Variants in PPP6R3 observed in about 807,000 individuals in gnomAD.
The protein encoded by PPP6R3 is protein phosphatase 6 regulatory subunit 3.
In PPP6R3, 38 loss-of-function variants were observed where a neutral mutation model predicts 110.7. That is an observed-to-expected ratio of 0.34 (90% CI 0.26 to 0.45). PPP6R3 has a LOEUF of 0.45. Ranked by LOEUF, PPP6R3 falls within the 20% of genes least tolerant of loss-of-function variation. The pLI is 1.00. For missense variants in PPP6R3, 870 were observed against 1,062.4 expected, an observed-to-expected ratio of 0.82 and a Z score of 2.52; for synonymous variants, 369 against 373.5, an observed-to-expected ratio of 0.99 and a Z score of 0.14.
At chr11:68,581,131 GA>G (rs1003657636) in intron 14 of PPP6R3, among the ~76,000 whole-genome samples, 4 of 152,168 alleles carry the variant, frequency 2.6e-5, no homozygotes, top group Non-Finnish European at 4.4e-5. Context: ...GGTGTAGGTA[GA>G]ATCAGACTCA....
intron 22 of PPP6R3, chr11:68,609,390 G>A (rs1475177435): frequency 1.4e-6 from 1 of 696,322 alleles, no homozygotes; most frequent in Non-Finnish European, 2.6e-6. Flanking sequence ...CCAGCAAGCT[G>A]ATGGGGTCTG....
chr11:68,592,411 G>A (rs2099598307), intron 18 of PPP6R3, among the ~76,000 whole-genome samples: 1 of 152,198 alleles, frequency 6.6e-6, no homozygotes, highest in Non-Finnish European at 1.5e-5. Flanking sequence ...GGGAATCAAA[G>A]AGTATGCAAT....
intron 1 of PPP6R3, among the ~76,000 whole-genome samples, chr11:68,463,186 A>C (rs1386142708): frequency 2.0e-5 from 3 of 151,956 alleles, no homozygotes; most frequent in African/African-American, 7.2e-5. Flanking sequence ...CCAGGCCAAC[A>C]TGTGAAACCT....
intron 1 of PPP6R3, among the ~76,000 whole-genome samples, chr11:68,475,521 G>C (rs533396082): frequency 3.3e-5 from 5 of 151,616 alleles, no homozygotes; most frequent in Non-Finnish European, 5.9e-5. Context: ...CTCCCGGACG[G>C]GGCAGCGGCC....
chr11:68,597,833 A>AAG (rs2099618779), intron 19 of PPP6R3, among the ~76,000 whole-genome samples: 1 of 151,234 alleles, frequency 6.6e-6, no homozygotes, highest in Non-Finnish European at 1.5e-5. Flanking sequence ...AAAAAAAAAA[A>AAG]GCTGGGCATG....
chr11:68,595,158 G>C (rs2099609656), intron 18 of PPP6R3, among the ~76,000 whole-genome samples: 1 of 143,438 alleles, frequency 7.0e-6, no homozygotes, highest in African/African-American at 2.5e-5. Context: ...GTTAGACAAA[G>C]ATTTCTTAGA....
chr11:68,547,310 C>T lies in PPP6R3; in HGVS notation c.415-757C>T, dbSNP rs140198760. On this transcript the variant is annotated intron_variant, in intron 4 of 23. Coordinates refer to ENST00000393800, the MANE Select transcript of PPP6R3 (RefSeq NM_001164161.2). ...AGATCCTGTTATATAGCAGCTGCGACACTCCCCCTGGGACTCGCAGAGGGT... is the reference window on the plus strand; with the variant it reads ...AGATCCTGTTATATAGCAGCTGCGATACTCCCCCTGGGACTCGCAGAGGGT... 3.4e-3 allele frequency among the ~76,000 whole-genome samples: 514 copies of T among 152,246 alleles called. 6 individuals carry two copies. Among genetic ancestry groups the T allele is most frequent in the African/African-American group, 0.012 (491 of 41,508 alleles).
intron 1 of PPP6R3, among the ~76,000 whole-genome samples, chr11:68,493,854 G>A (rs1170953394): frequency 6.6e-6 from 1 of 151,470 alleles, no homozygotes; most frequent in Non-Finnish European, 1.5e-5. Context: ...TGTAATCTCA[G>A]CACTTTGGGA....
intron 12 of PPP6R3, chr11:68,571,305 G>T: frequency 1.4e-6 from 1 of 736,746 alleles, no homozygotes; most frequent in Non-Finnish European, 2.0e-6. Flanking sequence ...TCTTGTTTTT[G>T]GGGCAAAACA....
At chr11:68,521,693 C>T (rs1457095525) in intron 2 of PPP6R3, among the ~76,000 whole-genome samples, 4 of 152,048 alleles carry the variant, frequency 2.6e-5, no homozygotes, top group Non-Finnish European at 5.9e-5. Flanking sequence ...TTAGGTTTTG[C>T]GGGCCAAGAG....
intron 19 of PPP6R3, 87 bp from the exon 20 acceptor site, chr11:68,600,254 C>G: frequency 6.9e-7 from 1 of 1,451,616 alleles, no homozygotes; most frequent in Non-Finnish European, 9.6e-7. Context: ...GCTCCAGTCT[C>G]TTTTGCTAAT....
intron 1 of PPP6R3, among the ~76,000 whole-genome samples, chr11:68,490,920 G>A (rs982212907): frequency 6.6e-6 from 1 of 152,100 alleles, no homozygotes; most frequent in Non-Finnish European, 1.5e-5. Context: ...TAGTGGCCGG[G>A]CATGGCCTGT....
At position 68,610,016 on chromosome 11, in the gene PPP6R3, G is replaced by A. The variant is rs571184986; in HGVS notation, c.2563G>A (p.Glu855Lys). 11 of 1,613,602 alleles carry A rather than the reference G, an allele frequency of 6.8e-6. No individual in the cohort carries two copies. In the East Asian group the frequency reaches 1.3e-4, roughly 20 times the overall value. The stretch of plus-strand genomic sequence containing the variant: ...GCCCAGGCCTCCCAGCAGCAGTCCC[G>A]AGCAGAGGTAACCACCCGCCTCCTC... ...AAPRPPSSSP[E>K]QRTGQPSAPG... Residue 855 changes from glutamate to lysine, a missense_variant, in exon 23 of 24, where the codon GAG (glutamate) becomes AAG (lysine). By Grantham distance (56) the Glu-to-Lys change is moderately conservative. Coordinates refer to ENST00000393800, the MANE Select transcript of PPP6R3 (RefSeq NM_001164161.2).
intron 1 of PPP6R3, among the ~76,000 whole-genome samples, chr11:68,468,770 A>G (rs909021204): frequency 6.6e-6 from 1 of 152,252 alleles, no homozygotes; most frequent in African/African-American, 2.4e-5. Context: ...GAATATGAAT[A>G]TAACATTAGA....
chr11:68,601,025 G>A (rs1593985412), intron 20 of PPP6R3, among the ~76,000 whole-genome samples: 2 of 152,160 alleles, frequency 1.3e-5, no homozygotes, highest in Non-Finnish European at 2.9e-5. Context: ...GCTGTTTTGG[G>A]CTGACAGTTA....
In PPP6R3 at chr11:68,491,187, CA is replaced by C. The variant is rs560557541; in HGVS notation, c.-157-28304del. On this transcript the variant is annotated intron_variant, in intron 1 of 23. Coordinates refer to ENST00000393800, the MANE Select transcript of PPP6R3 (RefSeq NM_001164161.2). The stretch of plus-strand genomic sequence containing the variant: ...GGGTGACAAAGCGAGATCCTGTCTC[CA>C]AAAAAAAAATTGCTGGTTTGGTAAT... Among the ~76,000 whole-genome samples, 653 of 147,648 alleles carry C rather than the reference CA, an allele frequency of 4.4e-3. 2 individuals are homozygous for C. Among genetic ancestry groups the C allele is most frequent in the African/African-American group, 0.015 (602 of 40,482 alleles).
chr11:68,533,331 C>T (rs777653462), intron 2 of PPP6R3, among the ~76,000 whole-genome samples: 21 of 152,186 alleles, frequency 1.4e-4, no homozygotes, highest in Non-Finnish European at 2.2e-4. Context: ...TGTAGTATGT[C>T]CAATACAAAG....
chr11:68,544,671 T>C (rs2099340863), intron 3 of PPP6R3, among the ~76,000 whole-genome samples, 167 bp from the exon 4 acceptor site: 1 of 152,268 alleles, frequency 6.6e-6, no homozygotes, highest in Admixed American at 6.5e-5. Context: ...GAAAATTTAT[T>C]TTAGTCTGGA....
At chr11:68,464,397 G>T (rs1294444571) in intron 1 of PPP6R3, among the ~76,000 whole-genome samples, 2 of 152,172 alleles carry the variant, frequency 1.3e-5, no homozygotes, top group Non-Finnish European at 2.9e-5. Context: ...CCAAAGTGCT[G>T]GGATTACAGG....
Sources: allele counts gnomAD v4.1 joint callset (sites outside exome capture counted in the v4.1 genomes callset), GRCh38; gene constraint gnomAD v4.1.1; transcripts MANE v1.5; gene names NCBI Gene and HGNC (gene_info 2026-07-23, HGNC 2026-07-21).